Variants in MMP26 observed in about 807,000 individuals in gnomAD.
MMP26 encodes the protein matrix metallopeptidase 26, also known as matrix metalloproteinase-26.
MMP26 carries 33 observed loss-of-function variants against 31.0 expected under a neutral mutation model. That is an observed-to-expected ratio of 1.06 (90% CI 0.81 to 1.42). MMP26 has a LOEUF of 1.42. MMP26 is among the 40% of genes most tolerant of loss of function. The probability of loss-of-function intolerance (pLI) is 0.00; values close to 1 mark genes in which losing one functional copy is unlikely to be tolerated. For missense variants in MMP26, 347 were observed against 316.1 expected (o/e 1.10, Z -0.74); for synonymous variants, 122 against 114.9 (o/e 1.06, Z -0.40).
intron 2 of MMP26, among the ~76,000 whole-genome samples, chr11:4,818,929 C>T (rs1422647234): frequency 2.0e-5 from 3 of 151,884 alleles, no homozygotes; most frequent in African/African-American, 7.3e-5. Context: ...GTATTTTGTA[C>T]TCAGATAAAG....
chr11:4,817,861 C>G (rs758483436), intron 2 of MMP26, among the ~76,000 whole-genome samples: 6 of 152,078 alleles, frequency 3.9e-5, no homozygotes, highest in Non-Finnish European at 8.8e-5. Flanking sequence ...CAAGAGCCAT[C>G]TACAAATACA....
At chr11:4,722,645 T>C (rs1848030120) in intron 1 of MMP26, 4 of 652,620 alleles carry the variant, frequency 6.1e-6, no homozygotes, top group Non-Finnish European at 1.1e-5. Context: ...GTGGGTCCCC[T>C]GTTCCCTGTG....
Position 4,989,800 on chromosome 11 carries a change from G to A in MMP26, c.252G>A (p.Val84=). 1 of 1,613,602 alleles carries A rather than the reference G, an allele frequency of 6.2e-7. No homozygotes were observed. Among genetic ancestry groups the A allele is most frequent in the Non-Finnish European group, 8.5e-7 (1 of 1,180,010 alleles). Reference sequence around the variant, plus strand: ...TGCTACACCAGCCCCACTGTGGGGTGCCTGATGGGTCCGACACCTCCATCT... The same window carrying A: ...TGCTACACCAGCCCCACTGTGGGGTACCTGATGGGTCCGACACCTCCATCT... ...HALLHQPHCG[V]PDGSDTSISP... Residue 84 remains valine, a synonymous_variant, in exon 4 of 8, where the codon GTG becomes GTA. Transcript: ENST00000380390.
At chr11:4,757,727 A>C (rs1280573764) in intron 1 of MMP26, among the ~76,000 whole-genome samples, 1 of 152,038 alleles carries the variant, frequency 6.6e-6, no homozygotes, top group African/African-American at 2.4e-5. Flanking sequence ...AAAATTAAGA[A>C]ATAAAAATTT....
At chr11:4,969,020 T>C (rs1268774944) in intron 2 of MMP26, among the ~76,000 whole-genome samples, 2 of 152,026 alleles carry the variant, frequency 1.3e-5, no homozygotes, top group Admixed American at 1.3e-4. Flanking sequence ...AACAGAGTTG[T>C]TTTCCTTATT....
At chr11:4,896,454 C>T (rs1354597323) in intron 2 of MMP26, among the ~76,000 whole-genome samples, 2 of 152,056 alleles carry the variant, frequency 1.3e-5, no homozygotes, top group Non-Finnish European at 2.9e-5. Flanking sequence ...GACCCTGGGT[C>T]AGGATCAGAT....
At chr11:4,922,817 G>A (rs1012875719) in intron 2 of MMP26, among the ~76,000 whole-genome samples, 2 of 151,766 alleles carry the variant, frequency 1.3e-5, no homozygotes, top group African/African-American at 4.8e-5. Flanking sequence ...AAACTCCCAG[G>A]GTGTCTCCTC....
Position 4,914,977 on chromosome 11 carries a change from G to A in MMP26, c.-144-73091G>A, listed in dbSNP as rs758397593. The A allele has an allele frequency of 2.5e-5, 41 of 1,614,082 alleles. No individual in the cohort carries two copies. In the East Asian group the frequency reaches 5.6e-4, roughly 22 times the overall value. The stretch of plus-strand genomic sequence containing the variant: ...CAGCCCTGGAGGCGATGGACAGCAC[G>A]GTGCGCAGGATCAGAGCATAAGAGA... On this transcript the variant is annotated intron_variant, in intron 2 of 7. Transcript: ENST00000380390.
chr11:4,764,679 GCTA>G (rs1474057392), intron 1 of MMP26, among the ~76,000 whole-genome samples: 3 of 152,150 alleles, frequency 2.0e-5, no homozygotes, highest in Non-Finnish European at 4.4e-5. Flanking sequence ...GACCATCTTG[GCTA>G]CTAACACGGT....
chr11:4,841,189 C>T (rs1849789578), intron 2 of MMP26, among the ~76,000 whole-genome samples: 1 of 151,814 alleles, frequency 6.6e-6, no homozygotes, highest in African/African-American at 2.4e-5. Context: ...CCTCAAAGGG[C>T]AATTCTAAGA....
intron 1 of MMP26, among the ~76,000 whole-genome samples, chr11:4,766,849 T>C (rs1848638475): frequency 6.6e-6 from 1 of 151,846 alleles, no homozygotes. Context: ...TGCTGGTGGC[T>C]GTGCTATCGG....
intron 2 of MMP26, chr11:4,907,479 T>A: frequency 6.2e-7 from 1 of 1,613,976 alleles, no homozygotes; most frequent in Non-Finnish European, 8.5e-7. Context: ...ATGTACCTGC[T>A]TGCCATCATG....
At chr11:4,807,863 G>C (rs1362923282) in intron 2 of MMP26, among the ~76,000 whole-genome samples, 1 of 152,004 alleles carries the variant, frequency 6.6e-6, no homozygotes, top group Non-Finnish European at 1.5e-5. Flanking sequence ...GGAGTGCAAT[G>C]GTGTGATCAC....
intron 2 of MMP26, chr11:4,821,312 A>G (rs1849493705): frequency 1.1e-5 from 13 of 1,220,422 alleles, no homozygotes; most frequent in Admixed American, 4.4e-5. Context: ...AAAATTAGAA[A>G]TAATAACTCA....
At chr11:4,800,677 C>A (rs2133451214) in intron 2 of MMP26, among the ~76,000 whole-genome samples, 1 of 152,330 alleles carries the variant, frequency 6.6e-6, no homozygotes, top group Non-Finnish European at 1.5e-5. Context: ...CCTCTTCTAT[C>A]ACATTGCCAG....
In MMP26 at chr11:4,991,407, G is replaced by A. The variant is rs1197354104; in HGVS notation, c.506G>A (p.Gly169Asp). ...EDGWPFDGPG[G>D]ILGHAFLPNS... is the part of the protein sequence containing the mutation. ...GGTTGGCCCTTTGATGGGCCAGGTG[G>A]TATCTTAGGCCATGCCTTTTTACCA... is the stretch of plus-strand genomic sequence containing the variant. The change falls in exon 6 of 8, where the codon GGT becomes GAT. Residue 169 changes from glycine to aspartate, a missense_variant. By Grantham distance (94) the Gly-to-Asp change is moderately conservative (BLOSUM62 -1). Coordinates refer to ENST00000380390, the MANE Select transcript of MMP26 (RefSeq NM_021801.5). The A allele has an allele frequency of 6.2e-7, 1 of 1,613,970 alleles. No homozygotes were observed. Among genetic ancestry groups the A allele is most frequent in the Non-Finnish European group, 8.5e-7 (1 of 1,179,868 alleles).
At position 4,990,705 on chromosome 11, in the gene MMP26, A is replaced by G; in HGVS notation, c.428A>G (p.Gln143Arg). Residue 143 changes from glutamine (Q) to arginine (R), a missense_variant, in exon 5 of 8, where the codon CAG becomes CGG. By Grantham distance (43) the Gln-to-Arg change is conservative. Transcript: ENST00000380390. ...ACCCCTTTGATATTCCAGCAAGTGC[A>G]GAATGGAGATGCAGACATCAAGGTT... The part of the protein sequence containing the change: ...NVTPLIFQQV[Q>R]NGDADIKVSF... 5.6e-6 allele frequency: 9 copies of G among 1,614,160 alleles called. No individual in the cohort carries two copies. Among genetic ancestry groups the G allele is most frequent in the Non-Finnish European group, 7.6e-6 (9 of 1,179,994 alleles).
At chr11:4,760,650 A>G (rs903294595) in intron 1 of MMP26, among the ~76,000 whole-genome samples, 1 of 152,208 alleles carries the variant, frequency 6.6e-6, no homozygotes, top group African/African-American at 2.4e-5. Flanking sequence ...AGAGTGAATG[A>G]CTTATTGAAG....
intron 2 of MMP26, among the ~76,000 whole-genome samples, chr11:4,964,958 A>G (rs1417080906): frequency 1.3e-5 from 2 of 152,196 alleles, no homozygotes; most frequent in Non-Finnish European, 2.9e-5. Context: ...TAGGAAGAAT[A>G]GCTAATGGAT....
Sources: gnomAD v4.1 joint callset for allele counts (sites outside exome capture counted in the v4.1 genomes callset) on GRCh38, gnomAD v4.1.1 for gene constraint, MANE v1.5 for transcripts, NCBI Gene and HGNC (gene_info 2026-07-23, HGNC 2026-07-21) for gene names.